NTM: variants seen among roughly 807,000 people sequenced by gnomAD.
The protein encoded by NTM is IgLON family member 2.
Under a neutral mutation model 42.1 loss-of-function variants are expected in NTM, and 13 were observed. The observed-to-expected ratio is 0.31, with a 90% CI of 0.20 to 0.49. The LOEUF is 0.49. Among genes scored for constraint, NTM ranks in the 20% least tolerant of loss-of-function variants. The pLI is 0.99. For synonymous variants in NTM, 187 were observed against 179.2 expected (o/e 1.04, Z -0.35); for missense variants, 373 against 452.8 (o/e 0.82, Z 1.60).
intron 1 of NTM, among the ~76,000 whole-genome samples, chr11:131,607,419 G>A (rs543118688): frequency 4.6e-5 from 7 of 152,274 alleles, no homozygotes; most frequent in Non-Finnish European, 7.3e-5. Context: ...GGTCACATCC[G>A]TGGCCAAAGT....
intron 2 of NTM, among the ~76,000 whole-genome samples, chr11:132,046,664 T>C (rs546744155): frequency 2.6e-5 from 4 of 152,240 alleles, no homozygotes; most frequent in Non-Finnish European, 4.4e-5. Flanking sequence ...TAATAGATCA[T>C]TCCCAGGCGA....
At chr11:131,761,538 T>G (rs1304743755) in intron 1 of NTM, among the ~76,000 whole-genome samples, 2 of 152,050 alleles carry the variant, frequency 1.3e-5, no homozygotes, top group Non-Finnish European at 2.9e-5. Context: ...GCACGGTGGC[T>G]CACGCCTGTT....
intron 2 of NTM, among the ~76,000 whole-genome samples, chr11:132,108,429 G>T (rs2136691245): frequency 6.6e-6 from 1 of 152,254 alleles, no homozygotes; most frequent in South Asian, 2.1e-4. Context: ...AAGTAACTCA[G>T]GAGCGGAAAA....
chr11:131,687,909 C>T (rs2074113595), intron 1 of NTM, among the ~76,000 whole-genome samples: 1 of 152,164 alleles, frequency 6.6e-6, no homozygotes, highest in South Asian at 2.1e-4. Context: ...CCGAATGTGT[C>T]CTAGCAAAGC....
chr11:131,516,816 C>T (rs571776137), intron 1 of NTM, among the ~76,000 whole-genome samples: 1 of 152,332 alleles, frequency 6.6e-6, no homozygotes, highest in South Asian at 2.1e-4. Context: ...GTCTCTGTCT[C>T]TCTCTGTTTC....
chr11:131,699,711 A>G (rs967711704), intron 1 of NTM, among the ~76,000 whole-genome samples: 23 of 152,154 alleles, frequency 1.5e-4, no homozygotes, highest in Non-Finnish European at 5.9e-5. Context: ...GGCAGGAAAG[A>G]GAAGTGCCAA....
At chr11:132,011,741 T>C (rs2072246110) in intron 2 of NTM, among the ~76,000 whole-genome samples, 1 of 152,160 alleles carries the variant, frequency 6.6e-6, no homozygotes, top group African/African-American at 2.4e-5. Flanking sequence ...CCCAAGCCCA[T>C]CTGATTCCAA....
At chr11:132,083,252 C>G (rs1790182) in intron 2 of NTM, among the ~76,000 whole-genome samples, 100,244 of 152,108 alleles carry the variant, frequency 0.66, 34,005 homozygotes, top group African/African-American at 0.78. Context: ...AATGACAAAT[C>G]TATGATTAGC....
chr11:131,611,912 G>A (rs1286082425), intron 1 of NTM, among the ~76,000 whole-genome samples: 1 of 152,200 alleles, frequency 6.6e-6, no homozygotes, highest in East Asian at 1.9e-4. Flanking sequence ...AACTGTGGCA[G>A]CCATCCTTCA....
intron 2 of NTM, among the ~76,000 whole-genome samples, chr11:132,066,682 C>T (rs1451014181): frequency 6.6e-6 from 1 of 152,162 alleles, no homozygotes; most frequent in East Asian, 1.9e-4. Flanking sequence ...TCTCATTCTT[C>T]AAGGCCAACA....
chr11:132,049,700 G>A (rs1460816112), intron 2 of NTM, among the ~76,000 whole-genome samples: 1 of 152,162 alleles, frequency 6.6e-6, no homozygotes, highest in Admixed American at 6.5e-5. Context: ...CACCTCTGGG[G>A]AAGAGGACCA....
intron 2 of NTM, among the ~76,000 whole-genome samples, chr11:131,997,842 C>T (rs1337119429): frequency 6.6e-6 from 1 of 152,110 alleles, no homozygotes; most frequent in Non-Finnish European, 1.5e-5. Flanking sequence ...CTTCAACTAC[C>T]ATTGTGTGTG....
intron 2 of NTM, among the ~76,000 whole-genome samples, chr11:132,079,794 T>G (rs1380718173): frequency 6.6e-6 from 1 of 152,194 alleles, no homozygotes; most frequent in Non-Finnish European, 1.5e-5. Context: ...TTGTATTTTA[T>G]ACTATTAATA....
intron 2 of NTM, among the ~76,000 whole-genome samples, chr11:131,931,868 C>G (rs950465101): frequency 3.9e-5 from 6 of 152,132 alleles, no homozygotes; most frequent in Non-Finnish European, 8.8e-5. Context: ...AGCCAAAATA[C>G]AATAGGGAAC....
At chr11:131,408,585 A>G (rs1946061179) in intron 1 of NTM, among the ~76,000 whole-genome samples, 1 of 152,190 alleles carries the variant, frequency 6.6e-6, no homozygotes, top group South Asian at 2.1e-4. Flanking sequence ...GGCTGGTGTG[A>G]GTTCATTGCA....
At chr11:131,917,855 G>A (rs1164136421) in intron 2 of NTM, among the ~76,000 whole-genome samples, 4 of 152,210 alleles carry the variant, frequency 2.6e-5, no homozygotes, top group Non-Finnish European at 5.9e-5. Flanking sequence ...GCTCCTGGAA[G>A]CACATTCAGC....
intron 1 of NTM, among the ~76,000 whole-genome samples, chr11:131,429,687 T>G (rs564522613): frequency 6.6e-6 from 1 of 152,298 alleles, no homozygotes; most frequent in African/African-American, 2.4e-5. Flanking sequence ...GCTGGGGGTC[T>G]CTCGTGCAAA....
chr11:132,043,459 A>G (rs1343622906), intron 2 of NTM, among the ~76,000 whole-genome samples: 1 of 152,242 alleles, frequency 6.6e-6, no homozygotes, highest in East Asian at 1.9e-4. Context: ...CCCTTCCTGC[A>G]TCCTCTGTCA....
intron 1 of NTM, among the ~76,000 whole-genome samples, chr11:131,481,553 C>T (rs907224706): frequency 1.3e-5 from 2 of 152,198 alleles, no homozygotes; most frequent in Non-Finnish European, 2.9e-5. Context: ...TGCTGCTAAG[C>T]CTCAAGCTTC....
Sources: gnomAD v4.1 joint callset for allele counts (sites outside exome capture counted in the v4.1 genomes callset) on GRCh38, gnomAD v4.1.1 for gene constraint, MANE v1.5 for transcripts, NCBI Gene and HGNC (gene_info 2026-07-23, HGNC 2026-07-21) for gene names.